SDHA: variants seen among roughly 807,000 people sequenced by gnomAD.
The protein encoded by SDHA is succinate dehydrogenase [ubiquinone] flavoprotein subunit, mitochondrial.
Under a neutral mutation model 78.4 loss-of-function variants are expected in SDHA, and 48 were observed. The ratio of observed to expected loss-of-function variants is 0.61; its 90% CI spans 0.49 to 0.78. The LOEUF (loss-of-function observed/expected upper bound fraction) is 0.78. Ranked by LOEUF, SDHA falls within the 30% of genes least tolerant of loss-of-function variation. The pLI, the probability that SDHA is intolerant of heterozygous loss-of-function variation, is 0.00. For synonymous variants in SDHA, 326 were observed against 353.9 expected, an observed-to-expected ratio of 0.92 and a Z score of 0.88; for missense variants, 680 against 892.7, an observed-to-expected ratio of 0.76 and a Z score of 3.04.
chr5:249,690 G>A (rs1736693383), intron 11 of SDHA: 1 of 152,294 alleles, frequency 6.6e-6, no homozygotes, highest in Non-Finnish European at 1.5e-5. Flanking sequence ...TCTGAAGGCT[G>A]TAAGACCCCT....
Position 240,423 on chromosome 5 carries a change from A to C in SDHA, c.1498A>C (p.Arg500=), listed in dbSNP as rs2126602800. ...EESVMNLDKL[R]FADGSIRTSE... Reference sequence around the variant, plus strand: ...ATCTGTCATGAATCTTGACAAATTGAGATTTGCTGATGGAAGCATAAGAAC... The same window carrying C: ...ATCTGTCATGAATCTTGACAAATTGCGATTTGCTGATGGAAGCATAAGAAC... The change falls in exon 11 of 15, where the codon AGA becomes CGA. Residue 500 remains arginine, a synonymous_variant. Transcript: ENST00000264932. 1.2e-6 allele frequency: 2 copies of C among 1,611,696 alleles called. No individual in the cohort carries two copies. Among genetic ancestry groups the C allele is most frequent in the Admixed American group, 1.7e-5 (1 of 60,010 alleles).
chr5:247,272 C>T (rs1481610628), intron 11 of SDHA, among the ~76,000 whole-genome samples: 1 of 152,150 alleles, frequency 6.6e-6, no homozygotes, highest in Non-Finnish European at 1.5e-5. Context: ...TGCTGAGTTA[C>T]GATTTCATAC....
intron 1 of SDHA, among the ~76,000 whole-genome samples, 186 bp from the exon 2 acceptor site, chr5:223,296 A>C (rs6882584): frequency 0.24 from 36,533 of 152,162 alleles, 6,833 homozygotes; most frequent in African/African-American, 0.52. Context: ...CTGGGGGCTC[A>C]GTCCTTCCTT....
At chr5:248,164 T>C (rs181319841) in intron 11 of SDHA, among the ~76,000 whole-genome samples, 526 of 152,338 alleles carry the variant, frequency 3.5e-3, no homozygotes, top group African/African-American at 0.012. Context: ...GTTATGCTTA[T>C]GTTTCTCCAG....
At chr5:236,745 T>G (rs533118192) in intron 10 of SDHA, 146 bp downstream of exon 10, 1 of 768,114 alleles carries the variant, frequency 1.3e-6, no homozygotes, top group East Asian at 2.7e-5. Context: ...TCAAGCAGTC[T>G]TCAACACCTC....
At chr5:239,934 T>C (rs1275245000) in intron 10 of SDHA, among the ~76,000 whole-genome samples, 1 of 151,988 alleles carries the variant, frequency 6.6e-6, no homozygotes. Flanking sequence ...CATACCCAGA[T>C]AATTTTTGTG....
In SDHA at chr5:229,738, T is replaced by TAGTTAACATTATACAGCATGGTGGCTAG. The variant is rs1341209480; in HGVS notation, c.771-1114_771-1113insCTAGAGTTAACATTATACAGCATGGTGG. On this transcript the variant is annotated intron_variant, in intron 6 of 14. Coordinates refer to ENST00000264932, the MANE Select transcript of SDHA (RefSeq NM_004168.4). ...TTAACATTATACAGCATGGTGGCTA[T>TAGTTAACATTATACAGCATGGTGGCTAG]AGTTAACATTATACAGCATGGTGGT... Among the ~76,000 whole-genome samples, 577 of 142,916 alleles carry TAGTTAACATTATACAGCATGGTGGCTAG rather than the reference T, an allele frequency of 4.0e-3. 2 individuals carry two copies. The highest frequency in any genetic ancestry group is 6.3e-3 in the Admixed American group (92 of 14,582). The allele number at this position is 142,916 out of a possible 152,430, so 93.8% of individuals were successfully genotyped here.
Position 256,234 on chromosome 5 carries a change from C to T in SDHA, c.1909-100C>T, listed in dbSNP as rs1737170574. The T allele has an allele frequency of 1.4e-5, 12 of 871,974 alleles. No individual in the cohort carries two copies. The East Asian group carries it at 2.9e-4, about 21-fold the overall frequency. The allele number at this position is 871,974 out of a possible 1,614,324, so 54.0% of individuals were successfully genotyped here. A position where few individuals can be genotyped will look rare whatever the true frequency, so the allele number is the denominator to read the frequency against. On this transcript the variant is annotated intron_variant, in intron 14 of 14. Transcript: ENST00000264932. ...ACTGAGAATCTTAAAGTTCACATGC[C>T]ATAAATCTACTTTTATAGTTAAAAT... is the stretch of plus-strand genomic sequence containing the variant.
At chr5:218,568 C>A in intron 1 of SDHA, 150 bp downstream of exon 1, 2 of 599,198 alleles carry the variant, frequency 3.3e-6, no homozygotes, top group Non-Finnish European at 5.0e-6. Flanking sequence ...AGCCCTGGGC[C>A]GGTGCGAGGG....
intron 11 of SDHA, among the ~76,000 whole-genome samples, chr5:246,417 G>C (rs920237993): frequency 2.0e-5 from 3 of 152,004 alleles, no homozygotes; most frequent in African/African-American, 7.3e-5. Flanking sequence ...CAAATCAATA[G>C]AATCGATCCA....
chr5:220,913 C>T (rs1403079908), intron 1 of SDHA, among the ~76,000 whole-genome samples: 2 of 151,602 alleles, frequency 1.3e-5, no homozygotes, highest in Non-Finnish European at 2.9e-5. Context: ...CCCGAGTTCA[C>T]GCCATTCTCC....
chr5:250,121 G>T (rs1430875402), intron 11 of SDHA: 1 of 152,198 alleles, frequency 6.6e-6, no homozygotes, highest in Non-Finnish European at 1.5e-5. Context: ...GAGATGCAAT[G>T]TTTTTCATTT....
chr5:228,659 T>C (rs998204096), intron 6 of SDHA, among the ~76,000 whole-genome samples: 1 of 152,212 alleles, frequency 6.6e-6, no homozygotes, highest in Non-Finnish European at 1.5e-5. Flanking sequence ...AAATCTCTCT[T>C]GTTTTAGTGG....
downstream of SDHA, among the ~76,000 whole-genome samples, chr5:261,563 G>T (rs1181587385): frequency 2.3e-5 from 1 of 43,032 alleles, no homozygotes; most frequent in African/African-American, 1.5e-4. Context: ...GAGCATTACC[G>T]TGTGAGCTCC....
intron 11 of SDHA, among the ~76,000 whole-genome samples, chr5:243,208 C>T (rs896816358): frequency 6.6e-6 from 1 of 152,178 alleles, no homozygotes; most frequent in Non-Finnish European, 1.5e-5. Context: ...TACATTTGAG[C>T]CTTTTCCCTT....
At chr5:251,691 T>C in intron 13 of SDHA, 1 of 1,487,644 alleles carries the variant, frequency 6.7e-7, no homozygotes, top group South Asian at 1.2e-5. Flanking sequence ...ATGCCAGCAG[T>C]GGCATCTCCA....
rs1737239328 is a variant in SDHA at position 256,864 on chromosome 5, C to T, written c.*444C>T. Among the ~76,000 whole-genome samples, 1 of 137,728 alleles carries T rather than the reference C, an allele frequency of 7.3e-6. No homozygotes were observed. The highest frequency in any genetic ancestry group is 1.5e-5 in the Non-Finnish European group (1 of 66,148). The allele number at this position is 137,728 out of a possible 152,430, so 90.4% of individuals were successfully genotyped here. ...TTGAGACAGGATCGGTGCAGTAGTA[C>T]AATCACAGCTCACTGCAGCCTCAAA... On this transcript the variant is annotated 3_prime_UTR_variant, in exon 15 of 15. Coordinates refer to ENST00000264932, the MANE Select transcript of SDHA (RefSeq NM_004168.4).
intron 13 of SDHA, among the ~76,000 whole-genome samples, chr5:252,768 G>T (rs1482683357): frequency 5.0e-5 from 7 of 139,878 alleles, no homozygotes; most frequent in African/African-American, 2.0e-4. Context: ...TACCTGCCCT[G>T]TGGAGGAAAT....
the SDHA span, among the ~76,000 whole-genome samples, chr5:265,975 T>C: frequency 5.9e-4 from 88 of 149,350 alleles, no homozygotes; most frequent in Non-Finnish European, 1.1e-3. Flanking sequence ...GGGGGGACCC[T>C]ACCCCAGATC....
Sources: gnomAD v4.1 joint callset for allele counts (sites outside exome capture counted in the v4.1 genomes callset) on GRCh38, gnomAD v4.1.1 for gene constraint, MANE v1.5 for transcripts, NCBI Gene and HGNC (gene_info 2026-07-23, HGNC 2026-07-21) for gene names.